Variants in ARHGEF28 observed in about 807,000 individuals in gnomAD.
ARHGEF28 encodes the protein 190 kDa guanine nucleotide exchange factor.
Under a neutral mutation model 206.6 loss-of-function variants are expected in ARHGEF28, and 152 were observed. That is an observed-to-expected ratio of 0.74 (90% CI 0.64 to 0.84). The LOEUF (loss-of-function observed/expected upper bound fraction) is 0.84, where lower values mean the gene tolerates loss of function less well. Ranked by LOEUF, ARHGEF28 falls within the 40% of genes least tolerant of loss-of-function variation. The probability of loss-of-function intolerance (pLI) is 0.00; values close to 1 mark genes in which losing one functional copy is unlikely to be tolerated. For synonymous variants in ARHGEF28, 763 were observed against 776.4 expected (o/e 0.98, Z 0.29); for missense variants, 2,028 against 2,073.2 (o/e 0.98, Z 0.42).
intron 9 of ARHGEF28, among the ~76,000 whole-genome samples, chr5:73,809,204 CA>C (rs140757151): frequency 2.9e-5 from 4 of 140,304 alleles, no homozygotes; most frequent in Non-Finnish European, 4.7e-5. Flanking sequence ...GACTCTGTCT[CA>C]AAAAAAAAAC....
At chr5:73,900,680 C>G (rs1441741402) in intron 30 of ARHGEF28, 30 of 152,734 alleles carry the variant, frequency 2.0e-4, no homozygotes, top group Admixed American at 2.0e-3. Flanking sequence ...CTCCGCCTTC[C>G]TAGAAAGATG....
intron 1 of ARHGEF28, among the ~76,000 whole-genome samples, chr5:73,660,740 A>G (rs757633530): frequency 3.9e-5 from 6 of 152,224 alleles, no homozygotes; most frequent in Non-Finnish European, 8.8e-5. Context: ...TACCAGGTAC[A>G]TTGTCAGTGA....
rs573419120 is a variant in ARHGEF28, at chr5:73,922,904, C to T, written c.4948+11329C>T. 9.2e-5 allele frequency among the ~76,000 whole-genome samples: 14 copies of T among 152,306 alleles called. No individual in the cohort carries two copies. In the South Asian group the frequency reaches 1.2e-3, roughly 14 times the overall value. Reference sequence around the variant, plus strand: ...CATGTTAGACACAAGTAGAGCACATCCTGTATTTTTAGATGCTTGATGCTT... The same window carrying T: ...CATGTTAGACACAAGTAGAGCACATTCTGTATTTTTAGATGCTTGATGCTT... On this transcript the variant is annotated intron_variant, in intron 35 of 35. Transcript: ENST00000513042.
chr5:73,934,806 G>A (rs146955011), intron 35 of ARHGEF28, among the ~76,000 whole-genome samples: 286 of 152,212 alleles, frequency 1.9e-3, no homozygotes, highest in African/African-American at 5.6e-3. Context: ...TGATTTACCC[G>A]GAATTTCATC....
At chr5:73,925,493 A>G (rs956672162) in intron 35 of ARHGEF28, among the ~76,000 whole-genome samples, 4 of 152,294 alleles carry the variant, frequency 2.6e-5, no homozygotes, top group African/African-American at 4.8e-5. Context: ...CAGTTTATTT[A>G]TTGAGACATA....
rs571675022 is a variant in ARHGEF28 at position 73,721,829 on chromosome 5, T to C, written c.34-28008T>C. ...CCTTGATTTTTGATCACATAACTAATAGTTGTCAGGCCAGTGCCCTTTGCA... is the reference window on the plus strand; with the variant it reads ...CCTTGATTTTTGATCACATAACTAACAGTTGTCAGGCCAGTGCCCTTTGCA... On this transcript the variant is annotated intron_variant, in intron 2 of 35. Coordinates refer to ENST00000513042, the MANE Select transcript of ARHGEF28 (RefSeq NM_001177693.2). Among the ~76,000 whole-genome samples the C allele has an allele frequency of 7.9e-5, 12 of 152,350 alleles. No homozygotes were observed. In the South Asian group the frequency reaches 2.5e-3, roughly 32 times the overall value.
rs1182500481 is a variant in ARHGEF28 at position 73,846,392 on chromosome 5, G to T, written c.1552G>T (p.Asp518Tyr). Residue 518 changes from aspartate to tyrosine, a missense_variant, in exon 12 of 36, where the codon GAC (aspartate) becomes TAC (tyrosine). Asp to Tyr is a radical substitution (Grantham distance 160). Around this residue, in one of 3 missense-constraint regions of ARHGEF28, gnomAD observed 1,002 missense variants for 1,015.3 expected, o/e 0.99. Transcript: ENST00000513042. ...RTGIPSGDEL[D>Y]SFETNTEPDF... Reference sequence around the variant, plus strand: ...TGGGATTCCTAGTGGGGATGAATTGGACTCTTTTGAGACTAACACTGAACC... The same window carrying T: ...TGGGATTCCTAGTGGGGATGAATTGTACTCTTTTGAGACTAACACTGAACC... The T allele has an allele frequency of 1.2e-6, 2 of 1,613,944 alleles. No individual in the cohort carries two copies. The highest frequency in any genetic ancestry group is 2.2e-5 in the South Asian group (2 of 91,064).
intron 10 of ARHGEF28, 107 bp from the exon 11 acceptor site, chr5:73,840,373 C>G: frequency 5.2e-6 from 6 of 1,149,614 alleles, no homozygotes. Flanking sequence ...CCTCGGCCTC[C>G]TACCACGCCT....
At chr5:73,791,303 C>T (rs1455623119) in intron 7 of ARHGEF28, among the ~76,000 whole-genome samples, 1 of 152,210 alleles carries the variant, frequency 6.6e-6, no homozygotes, top group African/African-American at 2.4e-5. Context: ...AACTACCCAC[C>T]ATGTATGCCA....
intron 4 of ARHGEF28, among the ~76,000 whole-genome samples, chr5:73,762,156 T>C (rs1241430926): frequency 6.6e-6 from 1 of 151,816 alleles, no homozygotes; most frequent in Non-Finnish European, 1.5e-5. Flanking sequence ...TTGCCCTCTT[T>C]AAAAAAATCT....
chr5:73,691,111 G>A (rs1747800823), intron 2 of ARHGEF28, among the ~76,000 whole-genome samples: 1 of 152,036 alleles, frequency 6.6e-6, no homozygotes, highest in Non-Finnish European at 1.5e-5. Flanking sequence ...TGTATTTTTT[G>A]TAGAGATGGG....
chr5:73,923,796 A>G (rs1444578707), intron 35 of ARHGEF28, among the ~76,000 whole-genome samples: 1 of 152,176 alleles, frequency 6.6e-6, no homozygotes, highest in Non-Finnish European at 1.5e-5. Context: ...ATGGTTCAGG[A>G]AAGTTTCAGA....
intron 7 of ARHGEF28, among the ~76,000 whole-genome samples, chr5:73,782,172 C>G (rs1157051744): frequency 3.6e-4 from 54 of 149,494 alleles, no homozygotes; most frequent in Admixed American, 3.6e-3. Flanking sequence ...GGCACGGTGG[C>G]TCACACCTGT....
chr5:73,646,006 A>AT (rs1744400771), intron 1 of ARHGEF28, among the ~76,000 whole-genome samples: 1 of 152,042 alleles, frequency 6.6e-6, no homozygotes, highest in Non-Finnish European at 1.5e-5. Context: ...TAATGACATG[A>AT]TTTGGCACAA....
chr5:73,686,669 C>T (rs566438615), intron 2 of ARHGEF28, among the ~76,000 whole-genome samples: 40 of 151,978 alleles, frequency 2.6e-4, no homozygotes, highest in African/African-American at 9.2e-4. Context: ...CAGACACCGC[C>T]ACCACGCCCG....
At chr5:73,884,016 G>A (rs1761114743) in intron 24 of ARHGEF28, 132 bp downstream of exon 24, 2 of 466,528 alleles carry the variant, frequency 4.3e-6, no homozygotes, top group Non-Finnish European at 7.3e-6. Flanking sequence ...AACTGTTAAA[G>A]CCTTAGAATT....
intron 1 of ARHGEF28, among the ~76,000 whole-genome samples, chr5:73,668,832 C>T (rs1307646893): frequency 2.0e-5 from 3 of 152,178 alleles, no homozygotes; most frequent in African/African-American, 7.2e-5. Context: ...TCTACCTCCA[C>T]TTTTTTGTCT....
chr5:73,659,839 A>C (rs1025181785), intron 1 of ARHGEF28, among the ~76,000 whole-genome samples: 6 of 152,224 alleles, frequency 3.9e-5, no homozygotes, highest in African/African-American at 1.4e-4. Context: ...GTAAATACCT[A>C]ATTAAAAATA....
chr5:73,741,385 G>GTGTGTGTATGTATA (rs1561371055), intron 2 of ARHGEF28, among the ~76,000 whole-genome samples: 1 of 21,862 alleles, frequency 4.6e-5, no homozygotes, highest in African/African-American at 2.5e-4. Context: ...GTGTGTGTGT[G>GTGTGTGTATGTATA]TATATATATA....
Sources: gnomAD v4.1 joint callset for allele counts (sites outside exome capture counted in the v4.1 genomes callset) on GRCh38, gnomAD v4.1.1 for gene constraint, gnomAD v4.1.1 regional missense constraint, MANE v1.5 for transcripts, NCBI Gene and HGNC (gene_info 2026-07-23, HGNC 2026-07-21) for gene names.